DENND1A: variants seen among roughly 807,000 people sequenced by gnomAD.
DENND1A encodes DENN domain containing 1A.
A neutral mutation model predicts 113.7 loss-of-function variants in DENND1A; 51 were observed. The ratio of observed to expected loss-of-function variants is 0.45; its 90% confidence interval spans 0.36 to 0.57. DENND1A has a LOEUF of 0.57. DENND1A is among the 20% of genes least tolerant of loss of function. The pLI is 0.00. For synonymous variants in DENND1A, 565 were observed against 570.8 expected, an observed-to-expected ratio of 0.99 and a Z score of 0.14; for missense variants, 1,258 against 1,395.9, an observed-to-expected ratio of 0.90 and a Z score of 1.57.
chr9:123,623,909 T>C (rs1048824768), intron 10 of DENND1A, among the ~76,000 whole-genome samples: 1 of 152,186 alleles, frequency 6.6e-6, no homozygotes, highest in African/African-American at 2.4e-5. Context: ...CAACGAAGAC[T>C]TCATCTTCAG....
intron 22 of DENND1A, among the ~76,000 whole-genome samples, chr9:123,386,776 AC>A (rs2042586298): frequency 6.6e-6 from 1 of 152,076 alleles, no homozygotes; most frequent in Admixed American, 6.5e-5. Flanking sequence ...GGACCCTCTG[AC>A]CCTGTGGGGT....
At chr9:123,566,280 A>G (rs2058047684) in intron 12 of DENND1A, among the ~76,000 whole-genome samples, 1 of 152,162 alleles carries the variant, frequency 6.6e-6, no homozygotes. Context: ...TCTTGAGAAC[A>G]TGGTTGTACC....
At chr9:123,518,601 T>A (rs1347636636) in intron 13 of DENND1A, among the ~76,000 whole-genome samples, 2 of 152,122 alleles carry the variant, frequency 1.3e-5, no homozygotes, top group Admixed American at 6.5e-5. Flanking sequence ...TAATTTATTT[T>A]AAAAAATGAC....
chr9:123,893,009 GAAT>G (rs931295030), intron 1 of DENND1A, among the ~76,000 whole-genome samples: 1 of 151,398 alleles, frequency 6.6e-6, no homozygotes, highest in African/African-American at 2.4e-5. Flanking sequence ...TAATAATAAA[GAAT>G]AAGAATAAAA....
At chr9:123,552,630 G>T (rs1387367344) in intron 13 of DENND1A, among the ~76,000 whole-genome samples, 2 of 152,264 alleles carry the variant, frequency 1.3e-5, no homozygotes, top group Non-Finnish European at 2.9e-5. Context: ...GAGCCAGAGG[G>T]CTGGTAGCAC....
intron 11 of DENND1A, among the ~76,000 whole-genome samples, chr9:123,597,508 T>C (rs2059748825): frequency 6.6e-6 from 1 of 151,986 alleles, no homozygotes; most frequent in Middle Eastern, 3.4e-3. Flanking sequence ...ACTTGGAAAA[T>C]CATATTCAGG....
chr9:123,718,562 T>A (rs151098400), intron 5 of DENND1A, among the ~76,000 whole-genome samples: 97 of 152,296 alleles, frequency 6.4e-4, no homozygotes, highest in African/African-American at 2.3e-3. Flanking sequence ...CTTAAGTCAG[T>A]TGAAACAACA....
chr9:123,906,332 G>C (rs984582199), intron 1 of DENND1A, among the ~76,000 whole-genome samples: 4 of 134,046 alleles, frequency 3.0e-5, no homozygotes, highest in Non-Finnish European at 6.0e-5. Flanking sequence ...TCAAAAGATA[G>C]AAGAAGGCAA....
intron 1 of DENND1A, among the ~76,000 whole-genome samples, chr9:123,891,995 G>C (rs1012209112): frequency 7.9e-5 from 12 of 152,214 alleles, no homozygotes; most frequent in Admixed American, 6.5e-4. Context: ...GGAGCTGAGA[G>C]ACAGAGCTAA....
At chr9:123,716,579 T>TATTTA (rs1249984802) in intron 5 of DENND1A, among the ~76,000 whole-genome samples, 32 of 150,620 alleles carry the variant, frequency 2.1e-4, no homozygotes, top group African/African-American at 7.6e-4. Context: ...TGACAAGACA[T>TATTTA]CCATTAAAGA....
chr9:123,660,775 A>G (rs1056595432), intron 8 of DENND1A, among the ~76,000 whole-genome samples: 1 of 152,260 alleles, frequency 6.6e-6, no homozygotes, highest in African/African-American at 2.4e-5. Flanking sequence ...ACGCCAAAAA[A>G]CAGGAGAAGA....
chr9:123,418,688 G>A (rs1036984572), intron 19 of DENND1A, among the ~76,000 whole-genome samples: 2 of 152,200 alleles, frequency 1.3e-5, no homozygotes, highest in Non-Finnish European at 2.9e-5. Flanking sequence ...TTCTGCTGCC[G>A]GTGCTTCCAG....
At chr9:123,499,236 G>A (rs748163965) in intron 13 of DENND1A, among the ~76,000 whole-genome samples, 24 of 151,924 alleles carry the variant, frequency 1.6e-4, no homozygotes, top group African/African-American at 4.8e-4. Context: ...GTTTCACCAC[G>A]TTGGCCAGAC....
At chr9:123,827,650 A>G (rs1377157354) in intron 2 of DENND1A, among the ~76,000 whole-genome samples, 1 of 152,180 alleles carries the variant, frequency 6.6e-6, no homozygotes, top group Non-Finnish European at 1.5e-5. Flanking sequence ...TCAAATCCCC[A>G]ACAGGATGAA....
chr9:123,880,775 T>C (rs190089720), intron 1 of DENND1A, among the ~76,000 whole-genome samples: 121 of 152,326 alleles, frequency 7.9e-4, no homozygotes, highest in African/African-American at 2.8e-3. Context: ...CTCCTGTTTA[T>C]CAAATCCTAT....
At chr9:123,402,267 C>A (rs1022710159) in intron 21 of DENND1A, among the ~76,000 whole-genome samples, 2 of 152,112 alleles carry the variant, frequency 1.3e-5, no homozygotes, top group Non-Finnish European at 2.9e-5. Flanking sequence ...CACACACGCA[C>A]GCACACATAT....
chr9:123,549,682 G>A (rs1365678644), intron 13 of DENND1A, among the ~76,000 whole-genome samples: 1 of 152,110 alleles, frequency 6.6e-6, no homozygotes, highest in Non-Finnish European at 1.5e-5. Context: ...GGGTGGTTAT[G>A]GAAATTATGG....
chr9:123,616,964 G>A (rs1178435446), intron 10 of DENND1A, among the ~76,000 whole-genome samples: 2 of 152,190 alleles, frequency 1.3e-5, no homozygotes, highest in East Asian at 1.9e-4. Flanking sequence ...GGGTGTTGTC[G>A]GGTACACAAC....
At chr9:123,840,516 G>C (rs1841674140) in intron 2 of DENND1A, among the ~76,000 whole-genome samples, 1 of 152,152 alleles carries the variant, frequency 6.6e-6, no homozygotes, top group African/African-American at 2.4e-5. Flanking sequence ...CTACCTGGCA[G>C]AGTTATTATA....
Sources: allele counts gnomAD v4.1 joint callset (sites outside exome capture counted in the v4.1 genomes callset), GRCh38; gene constraint gnomAD v4.1.1; transcripts MANE v1.5; gene names NCBI Gene and HGNC (gene_info 2026-07-23, HGNC 2026-07-21).